The following TBCEL variants were observed in gnomAD, a reference collection of about 807,000 sequenced individuals.
TBCEL encodes the protein tubulin folding cofactor E like.
Under a neutral mutation model 44.2 loss-of-function variants are expected in TBCEL, and 15 were observed. The ratio of observed to expected loss-of-function variants is 0.34; its 90% confidence interval spans 0.23 to 0.52. TBCEL has a LOEUF of 0.52. TBCEL is among the 20% of genes least tolerant of loss of function. TBCEL has a pLI of 0.95. For missense variants in TBCEL, 319 were observed against 506.3 expected (o/e 0.63, Z 3.55); for synonymous variants, 171 against 185.4 (o/e 0.92, Z 0.63).
chr11:121,044,658 C>T (rs1426580212), intron 2 of TBCEL, among the ~76,000 whole-genome samples: 1 of 152,052 alleles, frequency 6.6e-6, no homozygotes, highest in Non-Finnish European at 1.5e-5. Context: ...AGGCCAGCCC[C>T]TTAAGTAATG....
At position 121,053,713 on chromosome 11, in the gene TBCEL, A is replaced by G. The variant is rs78944388; in HGVS notation, c.436A>G (p.Ile146Val). Residue 146 changes from isoleucine to valine, a missense_variant, in exon 5 of 9, where the codon ATA (isoleucine) becomes GTA (valine). By Grantham distance (29) the Ile-to-Val change is conservative. Transcript: ENST00000683345. ...SKASWETVHM[I>V]LQELPDLEEL... ...AGCTTCTTGGGAGACGGTCCACATGATACTACAGGAGTTACCAGAGTAAGC... is the reference window on the plus strand; with the variant it reads ...AGCTTCTTGGGAGACGGTCCACATGGTACTACAGGAGTTACCAGAGTAAGC... 1.2e-6 allele frequency: 2 copies of G among 1,611,914 alleles called. No homozygotes were observed. The highest frequency in any genetic ancestry group is 1.7e-6 in the Non-Finnish European group (2 of 1,178,732).
rs1945660101 is a variant in TBCEL at position 121,058,371 on chromosome 11, A to T, written c.739A>T (p.Lys247Ter). The T allele has an allele frequency of 6.2e-7, 1 of 1,611,584 alleles. No homozygotes were observed. The highest frequency in any genetic ancestry group is 1.7e-5 in the Admixed American group (1 of 59,838). The change falls in exon 7 of 9, where the codon AAA becomes TAA. Residue 247 changes from lysine (K) to a stop codon, truncating the protein, a stop_gained. Coordinates refer to ENST00000683345, the MANE Select transcript of TBCEL (RefSeq NM_001363644.2). LOFTEE classifies it high-confidence loss of function. ...TTTGCAGTCCTGGGAAGACATTGAT[A>T]AACTAAATTCATTTCCCAAACTGGA... Reference protein sequence around the residue: ...SGLQSWEDIDKLNSFPKLEEV... With the variant: ...SGLQSWEDID
chr11:121,066,712 C>A (rs565242744), intron 8 of TBCEL, among the ~76,000 whole-genome samples: 2 of 152,096 alleles, frequency 1.3e-5, no homozygotes, highest in Non-Finnish European at 2.9e-5. Flanking sequence ...TATGAAATAA[C>A]GATATATAAA....
In TBCEL at chr11:121,087,037, T is replaced by C; in HGVS notation, c.1216T>C (p.Leu406=). The C allele has an allele frequency of 6.2e-7, 1 of 1,614,100 alleles. No homozygotes were observed. ...PEEMKYSSRA[L]HSFGIRDGDK... ...GGAAATGAAGTACAGCTCTCGGGCA[T>C]TGCATTCCTTTGGCATTAGGGATGG... Residue 406 remains leucine (L), a synonymous_variant, in exon 9 of 9, where the codon TTG becomes CTG. Coordinates refer to ENST00000683345, the MANE Select transcript of TBCEL (RefSeq NM_001363644.2).
Position 121,086,989 on chromosome 11 carries a change from C to T in TBCEL, c.1168C>T (p.His390Tyr), listed in dbSNP as rs762576047. ...TSNMLLYYFD[H>Y]EAPFGPEEMK... Reference sequence around the variant, plus strand: ...CAACATGCTTCTCTACTATTTTGACCATGAAGCACCCTTTGGCCCAGAGGA... The same window carrying T: ...CAACATGCTTCTCTACTATTTTGACTATGAAGCACCCTTTGGCCCAGAGGA... Residue 390 changes from histidine to tyrosine, a missense_variant, in exon 9 of 9, where the codon CAT becomes TAT. Transcript: ENST00000683345. 6.2e-7 allele frequency: 1 copy of T among 1,614,044 alleles called. No individual in the cohort carries two copies. Among genetic ancestry groups the T allele is most frequent in the Non-Finnish European group, 8.5e-7 (1 of 1,179,984 alleles).
chr11:121,025,284 G>A (rs951257546), intron 1 of TBCEL, among the ~76,000 whole-genome samples: 3 of 145,078 alleles, frequency 2.1e-5, no homozygotes, highest in African/African-American at 8.3e-5. Context: ...GAGCTCTTAC[G>A]TTTCCAGTAG....
At chr11:121,034,148 T>G (rs1945190159) in intron 1 of TBCEL, among the ~76,000 whole-genome samples, 1 of 152,172 alleles carries the variant, frequency 6.6e-6, no homozygotes, top group South Asian at 2.1e-4. Context: ...ATATAGTAAT[T>G]CTGTGCTTAA....
At chr11:121,073,055 A>T (rs914592561) in intron 8 of TBCEL, among the ~76,000 whole-genome samples, 1 of 152,036 alleles carries the variant, frequency 6.6e-6, no homozygotes, top group Non-Finnish European at 1.5e-5. Context: ...ATTACTTTAT[A>T]TTAAGTCTTA....
intron 8 of TBCEL, among the ~76,000 whole-genome samples, chr11:121,075,202 A>G (rs1946011634): frequency 6.6e-6 from 1 of 152,050 alleles, no homozygotes; most frequent in African/African-American, 2.4e-5. Context: ...ACAAACATAC[A>G]GATCAATGGA....
rs183542333 is a variant in TBCEL, at chr11:121,056,127, T to C, written c.712+819T>C. 4.7e-3 allele frequency among the ~76,000 whole-genome samples: 714 copies of C among 151,954 alleles called. 5 individuals are homozygous for C. The highest frequency in any genetic ancestry group is 0.017 in the Middle Eastern group (5 of 294). On this transcript the variant is annotated intron_variant, in intron 6 of 8. Transcript: ENST00000683345. ...TAGTTTCCCTGCCCTAAAAATCCTCTGTGCGCCACCTATTTACCCCCTCCA... is the reference window on the plus strand; with the variant it reads ...TAGTTTCCCTGCCCTAAAAATCCTCCGTGCGCCACCTATTTACCCCCTCCA...
intron 2 of TBCEL, among the ~76,000 whole-genome samples, chr11:121,041,172 G>A (rs1157001970): frequency 6.6e-6 from 1 of 152,108 alleles, no homozygotes; most frequent in Non-Finnish European, 1.5e-5. Flanking sequence ...GTCAGACATG[G>A]CGTACTTTCT....
At chr11:121,057,494 G>A in intron 6 of TBCEL, 1 of 388,476 alleles carries the variant, frequency 2.6e-6, no homozygotes, top group South Asian at 2.0e-5. Context: ...GTTTTTGTTT[G>A]TTTTAAATTT....
intron 1 of TBCEL, among the ~76,000 whole-genome samples, chr11:121,031,562 T>C (rs1479454283): frequency 1.3e-5 from 2 of 152,082 alleles, no homozygotes; most frequent in Non-Finnish European, 2.9e-5. Context: ...GAGTTCTCTG[T>C]ATTAGTTACA....
intron 8 of TBCEL, among the ~76,000 whole-genome samples, chr11:121,072,260 T>C (rs930403400): frequency 3.3e-5 from 5 of 152,150 alleles, no homozygotes; most frequent in African/African-American, 9.7e-5. Flanking sequence ...TCCCAAATCA[T>C]GGGCTTGGAG....
intron 1 of TBCEL, among the ~76,000 whole-genome samples, chr11:121,032,089 G>A (rs552594454): frequency 3.3e-5 from 5 of 152,248 alleles, no homozygotes; most frequent in Admixed American, 2.0e-4. Flanking sequence ...TTCTCAAGGA[G>A]ATAAAGTTTG....
chr11:121,042,633 T>C (rs1330768769), intron 2 of TBCEL, among the ~76,000 whole-genome samples: 1 of 152,126 alleles, frequency 6.6e-6, no homozygotes, highest in African/African-American at 2.4e-5. Flanking sequence ...CATTATGATA[T>C]TGATGCCATT....
chr11:121,085,574 T>G (rs948090331), intron 8 of TBCEL, among the ~76,000 whole-genome samples: 2 of 152,030 alleles, frequency 1.3e-5, no homozygotes, highest in Non-Finnish European at 2.9e-5. Flanking sequence ...TAAAATGGAG[T>G]CAAGACCCTG....
At chr11:121,056,330 A>G (rs1030341307) in intron 6 of TBCEL, among the ~76,000 whole-genome samples, 2 of 151,776 alleles carry the variant, frequency 1.3e-5, no homozygotes, top group Non-Finnish European at 1.5e-5. Flanking sequence ...TTAGTGCTGA[A>G]TACTATTCCA....
At chr11:121,028,313 C>T (rs1035270259) in intron 1 of TBCEL, among the ~76,000 whole-genome samples, 2 of 152,198 alleles carry the variant, frequency 1.3e-5, no homozygotes, top group Non-Finnish European at 2.9e-5. Flanking sequence ...TGCATTTTAT[C>T]AAGCTGTCTG....
Sources: gnomAD v4.1 joint callset for allele counts (sites outside exome capture counted in the v4.1 genomes callset) on GRCh38, gnomAD v4.1.1 for gene constraint, MANE v1.5 for transcripts, NCBI Gene and HGNC (gene_info 2026-07-23, HGNC 2026-07-21) for gene names.